Variants in PTPRT observed in about 807,000 individuals in gnomAD.
PTPRT encodes the protein receptor-type tyrosine-protein phosphatase T.
Under a neutral mutation model 176.8 loss-of-function variants are expected in PTPRT, and 56 were observed. That is an observed-to-expected ratio of 0.32 (90% CI 0.26 to 0.40). The LOEUF is 0.40. Among genes scored for constraint, PTPRT ranks in the 10% least tolerant of loss-of-function variants. The pLI is 1.00. For synonymous variants in PTPRT, 783 were observed against 739.0 expected (o/e 1.06, Z -0.96); for missense variants, 1,540 against 1,908.2 (o/e 0.81, Z 3.60).
intron 7 of PTPRT, among the ~76,000 whole-genome samples, chr20:42,491,413 T>C (rs2071559722): frequency 1.3e-5 from 2 of 152,180 alleles, no homozygotes; most frequent in Non-Finnish European, 2.9e-5. Context: ...AATTGTTTAT[T>C]TCTGGAATTT....
chr20:42,935,796 C>A (rs1980151397), intron 1 of PTPRT, among the ~76,000 whole-genome samples: 1 of 152,188 alleles, frequency 6.6e-6, no homozygotes, highest in Non-Finnish European at 1.5e-5. Flanking sequence ...GTTGCCCAGG[C>A]TGGAATGCAA....
the PTPRT span, among the ~76,000 whole-genome samples, chr20:42,056,227 T>A: frequency 1.3e-5 from 2 of 152,192 alleles, no homozygotes; most frequent in Non-Finnish European, 2.9e-5. Flanking sequence ...TGCTCTCAAA[T>A]CCACACTCAG....
Position 42,074,590 on chromosome 20 carries a change from A to T in PTPRT, c.*6289T>A. 1 of 393,596 alleles carries T rather than the reference A, an allele frequency of 2.5e-6. No homozygotes were observed. The highest frequency in any genetic ancestry group is 4.5e-6 in the Non-Finnish European group (1 of 223,514). 24.4% of individuals were successfully genotyped at this position (393,596 alleles called of 1,614,324 possible). ...GATCAAGCCCCTAAAACTCTTCCCA[A>T]TAGATTTTCTTTCATCCTGAGCCCT... On this transcript the variant is annotated 3_prime_UTR_variant, in exon 31 of 31. Transcript: ENST00000373187.
intron 17 of PTPRT, 50 bp from the exon 18 acceptor site, chr20:42,142,052 T>C (rs1988654867): frequency 3.3e-6 from 5 of 1,520,824 alleles, no homozygotes; most frequent in African/African-American, 2.7e-5. Context: ...AGGAGCTTTA[T>C]GGAAGTGGAG....
chr20:42,432,590 G>A (rs1034365188), intron 9 of PTPRT, among the ~76,000 whole-genome samples: 1 of 152,100 alleles, frequency 6.6e-6, no homozygotes, highest in Non-Finnish European at 1.5e-5. Flanking sequence ...ACTCTTTGTG[G>A]CAATACAAAA....
chr20:42,914,853 A>C (rs1001878016), intron 1 of PTPRT, among the ~76,000 whole-genome samples: 8 of 151,774 alleles, frequency 5.3e-5, no homozygotes, highest in African/African-American at 1.5e-4. Context: ...GTTATTCTGT[A>C]AAAAATCCTT....
chr20:42,158,492 A>G (rs1989452286), intron 17 of PTPRT, among the ~76,000 whole-genome samples: 1 of 152,218 alleles, frequency 6.6e-6, no homozygotes, highest in African/African-American at 2.4e-5. Context: ...CAGAGAAGTG[A>G]CAGGCAACAA....
At chr20:43,022,927 T>G (rs1985756126) in intron 1 of PTPRT, among the ~76,000 whole-genome samples, 1 of 152,176 alleles carries the variant, frequency 6.6e-6, no homozygotes, top group Non-Finnish European at 1.5e-5. Flanking sequence ...GGGATGTAAT[T>G]GTAACTCCCA....
chr20:42,941,079 C>G (rs983298181), intron 1 of PTPRT, among the ~76,000 whole-genome samples: 2 of 147,592 alleles, frequency 1.4e-5, no homozygotes, highest in Non-Finnish European at 3.0e-5. Context: ...AAGACTCCAT[C>G]TCAAAAAAAA....
At chr20:42,602,749 A>T (rs2073803974) in intron 7 of PTPRT, among the ~76,000 whole-genome samples, 1 of 152,024 alleles carries the variant, frequency 6.6e-6, no homozygotes, top group Non-Finnish European at 1.5e-5. Context: ...GCTAAATACT[A>T]GATGGTGACA....
chr20:42,239,491 C>T (rs1269729839), intron 14 of PTPRT, among the ~76,000 whole-genome samples: 2 of 140,656 alleles, frequency 1.4e-5, no homozygotes, highest in Admixed American at 7.7e-5. Context: ...CGCGTGATCT[C>T]GGCTCACTGC....
intron 9 of PTPRT, among the ~76,000 whole-genome samples, chr20:42,396,854 G>A (rs1007673757): frequency 1.2e-4 from 18 of 152,118 alleles, no homozygotes; most frequent in Admixed American, 4.6e-4. Context: ...CACTGAGCCC[G>A]GTCACTTTGC....
At position 42,878,551 on chromosome 20, in the gene PTPRT, A is replaced by G. The variant is rs192820315; in HGVS notation, c.214+7256T>C. Among the ~76,000 whole-genome samples the G allele has an allele frequency of 2.6e-5, 4 of 152,342 alleles. No homozygotes were observed. The East Asian group carries it at 7.7e-4, about 29-fold the overall frequency. On this transcript the variant is annotated intron_variant, in intron 2 of 30. Coordinates refer to ENST00000373187, the MANE Select transcript of PTPRT (RefSeq NM_007050.6). Reference sequence around the variant, plus strand: ...GGACATCAAGCCTGACTCCTCAGCCACATAAAACTCACATGACCTTGGACC... The same window carrying G: ...GGACATCAAGCCTGACTCCTCAGCCGCATAAAACTCACATGACCTTGGACC...
intron 1 of PTPRT, among the ~76,000 whole-genome samples, chr20:43,117,114 C>T (rs1317448608): frequency 1.3e-5 from 2 of 152,100 alleles, no homozygotes; most frequent in South Asian, 4.1e-4. Flanking sequence ...CAAGCAGAGA[C>T]ATGCGCTGCT....
chr20:42,622,046 G>T (rs191455087), intron 7 of PTPRT, among the ~76,000 whole-genome samples: 1 of 152,094 alleles, frequency 6.6e-6, no homozygotes, highest in Non-Finnish European at 1.5e-5. Context: ...TTTGCTAACC[G>T]TTCTGCACAC....
intron 13 of PTPRT, among the ~76,000 whole-genome samples, 159 bp downstream of exon 13, chr20:42,282,330 C>T (rs551623964): frequency 1.3e-5 from 2 of 152,224 alleles, no homozygotes; most frequent in Non-Finnish European, 2.9e-5. Flanking sequence ...TACTAATATA[C>T]ACCCTAGAAT....
chr20:42,865,033 C>A (rs989739104), intron 2 of PTPRT, among the ~76,000 whole-genome samples: 1 of 152,218 alleles, frequency 6.6e-6, no homozygotes, highest in Non-Finnish European at 1.5e-5. Context: ...TCTGGCCTGC[C>A]AGGCCCCATC....
intron 13 of PTPRT, among the ~76,000 whole-genome samples, chr20:42,272,493 GA>G (rs2056953124): frequency 1.3e-5 from 2 of 152,032 alleles, no homozygotes; most frequent in African/African-American, 4.8e-5. Flanking sequence ...AAGCTTCAGA[GA>G]AGAGATGACT....
At chr20:42,735,012 G>A (rs2076517607) in intron 6 of PTPRT, among the ~76,000 whole-genome samples, 1 of 152,194 alleles carries the variant, frequency 6.6e-6, no homozygotes, top group South Asian at 2.1e-4. Context: ...GTGAATCTTT[G>A]CAGAAAAACC....
Sources: gnomAD v4.1 joint callset for allele counts (sites outside exome capture counted in the v4.1 genomes callset) on GRCh38, gnomAD v4.1.1 for gene constraint, MANE v1.5 for transcripts, NCBI Gene and HGNC (gene_info 2026-07-23, HGNC 2026-07-21) for gene names.